The following CACNA1E variants were observed in gnomAD, a reference collection of about 807,000 sequenced individuals.
CACNA1E encodes calcium voltage-gated channel subunit alpha1 E, also known as voltage-dependent R-type calcium channel subunit alpha-1E.
A neutral mutation model predicts 259.2 loss-of-function variants in CACNA1E; 40 were observed. That is an observed-to-expected ratio of 0.15 (90% confidence interval 0.12 to 0.20). The LOEUF is 0.20. CACNA1E is among the 10% of genes least tolerant of loss of function. The pLI, the probability that CACNA1E is intolerant of heterozygous loss-of-function variation, is 1.00. For synonymous variants in CACNA1E, 1,104 were observed against 1,138.5 expected, an observed-to-expected ratio of 0.97 and a Z score of 0.61; for missense variants, 1,874 against 3,040.1, an observed-to-expected ratio of 0.62 and a Z score of 9.02.
At chr1:181,366,283 T>C (rs1464927201) in intron 1 of CACNA1E, among the ~76,000 whole-genome samples, 1 of 151,972 alleles carries the variant, frequency 6.6e-6, no homozygotes, top group Non-Finnish European at 1.5e-5. Context: ...GCTACAGGGG[T>C]CTGTGATGGC....
At chr1:181,500,957 C>T (rs1438861165) in intron 1 of CACNA1E, among the ~76,000 whole-genome samples, 1 of 148,902 alleles carries the variant, frequency 6.7e-6, no homozygotes, top group Admixed American at 6.6e-5. Flanking sequence ...GCTGATTGCA[C>T]CTCATAGTCA....
intron 12 of CACNA1E, among the ~76,000 whole-genome samples, chr1:181,719,111 T>C (rs1028923742): frequency 1.3e-5 from 2 of 152,246 alleles, no homozygotes; most frequent in Non-Finnish European, 2.9e-5. Flanking sequence ...TCAGTTTCTT[T>C]GTGTCCGTAC....
intron 1 of CACNA1E, among the ~76,000 whole-genome samples, chr1:181,337,331 A>T (rs74512507): frequency 1.3e-5 from 2 of 150,424 alleles, no homozygotes. Flanking sequence ...AATTTTTTGT[A>T]TTTTTTTTTA....
At chr1:181,411,576 C>T (rs767679063) in intron 1 of CACNA1E, among the ~76,000 whole-genome samples, 61 of 152,292 alleles carry the variant, frequency 4.0e-4, no homozygotes, top group Middle Eastern at 6.8e-3. Flanking sequence ...TTCACAAAGC[C>T]CTCCTGACCA....
chr1:181,564,450 T>A (rs985788169), intron 3 of CACNA1E, among the ~76,000 whole-genome samples: 1 of 152,240 alleles, frequency 6.6e-6, no homozygotes, highest in Non-Finnish European at 1.5e-5. Flanking sequence ...TTCAGTCACA[T>A]CTTCAGGATC....
chr1:181,726,964 G>A (rs1009380080), intron 18 of CACNA1E, among the ~76,000 whole-genome samples: 5 of 152,128 alleles, frequency 3.3e-5, no homozygotes, highest in Non-Finnish European at 5.9e-5. Flanking sequence ...AACAAAAATC[G>A]ATCCCAGGTT....
intron 6 of CACNA1E, among the ~76,000 whole-genome samples, chr1:181,586,757 T>A (rs974571919): frequency 1.3e-5 from 2 of 152,158 alleles, no homozygotes; most frequent in African/African-American, 4.8e-5. Context: ...TCAAAAACTC[T>A]TATCTATATG....
chr1:181,421,446 T>C (rs997999940), intron 2 of CACNA1E, among the ~76,000 whole-genome samples: 4 of 152,156 alleles, frequency 2.6e-5, no homozygotes, highest in Non-Finnish European at 5.9e-5. Context: ...CCTCACCAGG[T>C]CCACATATCT....
chr1:181,482,757 T>C (rs1288950600), upstream of CACNA1E, among the ~76,000 whole-genome samples: 2 of 152,246 alleles, frequency 1.3e-5, no homozygotes, highest in East Asian at 3.9e-4. Flanking sequence ...TGTGGACAAG[T>C]GTGGTGCCAG....
intron 7 of CACNA1E, among the ~76,000 whole-genome samples, chr1:181,691,062 T>G (rs2102321881): frequency 6.6e-6 from 1 of 152,180 alleles, no homozygotes; most frequent in South Asian, 2.1e-4. Context: ...TTTTCAAATA[T>G]TTTCTCTCAT....
chr1:181,591,428 AC>A (rs1378937287), intron 6 of CACNA1E, among the ~76,000 whole-genome samples: 5 of 152,226 alleles, frequency 3.3e-5, no homozygotes, highest in African/African-American at 1.2e-4. Flanking sequence ...AAAATAAAAT[AC>A]AAAAATAAGC....
intron 22 of CACNA1E, among the ~76,000 whole-genome samples, chr1:181,736,728 AG>A (rs1291962173): frequency 2.6e-5 from 4 of 152,222 alleles, no homozygotes; most frequent in Non-Finnish European, 5.9e-5. Flanking sequence ...GGTAGTGTGG[AG>A]GGAGGAAGGA....
intron 7 of CACNA1E, among the ~76,000 whole-genome samples, chr1:181,654,070 G>A (rs1658987623): frequency 6.6e-6 from 1 of 151,772 alleles, no homozygotes; most frequent in Non-Finnish European, 1.5e-5. Context: ...ACAATGCAGG[G>A]AGTAGAAGAC....
At chr1:181,488,942 C>T (rs1664078941) in intron 1 of CACNA1E, among the ~76,000 whole-genome samples, 1 of 152,158 alleles carries the variant, frequency 6.6e-6, no homozygotes, top group South Asian at 2.1e-4. Flanking sequence ...TTTATAGGAA[C>T]ATCTGGTTTC....
intron 34 of CACNA1E, among the ~76,000 whole-genome samples, chr1:181,764,108 A>G (rs1008303902): frequency 6.6e-6 from 1 of 152,210 alleles, no homozygotes; most frequent in Non-Finnish European, 1.5e-5. Context: ...TGGGCAGGTT[A>G]ATATGATGTG....
intron 6 of CACNA1E, among the ~76,000 whole-genome samples, chr1:181,619,336 GA>G (rs750130294): frequency 1.1e-4 from 16 of 152,130 alleles, no homozygotes; most frequent in Non-Finnish European, 2.1e-4. Flanking sequence ...TTTTGAGAAA[GA>G]ACAGCAAGTG....
intron 1 of CACNA1E, among the ~76,000 whole-genome samples, chr1:181,487,397 T>C (rs17494103): frequency 0.041 from 6,227 of 152,186 alleles, 196 homozygotes; most frequent in East Asian, 0.13. Context: ...TGGGAAGAAA[T>C]GCTCAAGATA....
chr1:181,587,847 C>T (rs987757858), intron 6 of CACNA1E, among the ~76,000 whole-genome samples: 1 of 152,202 alleles, frequency 6.6e-6, no homozygotes, highest in African/African-American at 2.4e-5. Flanking sequence ...AGCGCCACTG[C>T]AGTCCGGCCT....
chr1:181,652,664 CT>C (rs1658865349), intron 7 of CACNA1E, among the ~76,000 whole-genome samples: 2 of 152,090 alleles, frequency 1.3e-5, no homozygotes, highest in Admixed American at 1.3e-4. Flanking sequence ...AGGCGTGGTG[CT>C]AAAAACAAAA....
Sources: gnomAD v4.1 joint callset for allele counts (sites outside exome capture counted in the v4.1 genomes callset) on GRCh38, gnomAD v4.1.1 for gene constraint, MANE v1.5 for transcripts, NCBI Gene and HGNC (gene_info 2026-07-23, HGNC 2026-07-21) for gene names.